Variants in TSPAN5 observed in about 807,000 individuals in gnomAD.
TSPAN5 encodes the protein tetraspanin 5.
A neutral mutation model predicts 37.1 loss-of-function variants in TSPAN5; 10 were observed. The ratio of observed to expected loss-of-function variants is 0.27; its 90% confidence interval spans 0.17 to 0.46. The LOEUF is 0.46. Ranked by LOEUF, TSPAN5 falls within the 20% of genes least tolerant of loss-of-function variation. TSPAN5 has a pLI of 1.00. For missense variants in TSPAN5, 195 were observed against 326.6 expected, an observed-to-expected ratio of 0.60 and a Z score of 3.11; for synonymous variants, 110 against 118.9, an observed-to-expected ratio of 0.93 and a Z score of 0.48.
intron 2 of TSPAN5, among the ~76,000 whole-genome samples, chr4:98,495,448 C>T (rs1753181511): frequency 6.6e-6 from 1 of 150,926 alleles, no homozygotes; most frequent in African/African-American, 2.4e-5. Context: ...TGGCATGAAC[C>T]CGGGAGGCGG....
At chr4:98,524,838 T>C (rs1234970980) in intron 1 of TSPAN5, among the ~76,000 whole-genome samples, 1 of 152,160 alleles carries the variant, frequency 6.6e-6, no homozygotes, top group Non-Finnish European at 1.5e-5. Context: ...GTCAGTAACT[T>C]TTCCCAGACT....
chr4:98,506,929 C>T (rs764553897), intron 2 of TSPAN5, among the ~76,000 whole-genome samples: 35 of 152,066 alleles, frequency 2.3e-4, no homozygotes, highest in Admixed American at 2.0e-4. Context: ...CCACTGGTGG[C>T]CTCAGTAGGG....
intron 1 of TSPAN5, among the ~76,000 whole-genome samples, chr4:98,575,580 AACC>A (rs1350626571): frequency 1.3e-5 from 2 of 152,092 alleles, no homozygotes; most frequent in Non-Finnish European, 2.9e-5. Context: ...CACCAGCCAG[AACC>A]ACTGGGGCTA....
intron 2 of TSPAN5, among the ~76,000 whole-genome samples, chr4:98,504,539 T>C (rs934447502): frequency 6.6e-6 from 1 of 152,204 alleles, no homozygotes; most frequent in African/African-American, 2.4e-5. Context: ...CTTTCAAAAC[T>C]ACCTTTGTGC....
chr4:98,491,004 G>C (rs1753073219), intron 2 of TSPAN5, among the ~76,000 whole-genome samples: 1 of 152,042 alleles, frequency 6.6e-6, no homozygotes, highest in Non-Finnish European at 1.5e-5. Flanking sequence ...GGAGCTTGCA[G>C]TGAGCCGATA....
chr4:98,549,502 T>C (rs112195021), intron 1 of TSPAN5, among the ~76,000 whole-genome samples: 70 of 152,228 alleles, frequency 4.6e-4, no homozygotes, highest in African/African-American at 1.6e-3. Context: ...GGTTTCACCA[T>C]ATTGGCCAGA....
chr4:98,643,884 C>A (rs1259762276), intron 1 of TSPAN5, among the ~76,000 whole-genome samples: 1 of 152,230 alleles, frequency 6.6e-6, no homozygotes. Flanking sequence ...GGCTTTCTCA[C>A]AGGAGTTGCC....
chr4:98,545,159 G>C (rs1395608275), intron 1 of TSPAN5, among the ~76,000 whole-genome samples: 1 of 152,192 alleles, frequency 6.6e-6, no homozygotes, highest in Non-Finnish European at 1.5e-5. Context: ...CAGAGAAGAG[G>C]GTTTTTCTTC....
chr4:98,620,136 C>T (rs1449063634), intron 1 of TSPAN5, among the ~76,000 whole-genome samples: 1 of 151,104 alleles, frequency 6.6e-6, no homozygotes, highest in African/African-American at 2.5e-5. Flanking sequence ...CTTATGACAG[C>T]TTAACCAATA....
chr4:98,603,199 G>C (rs1221797692), intron 1 of TSPAN5, among the ~76,000 whole-genome samples: 1 of 152,188 alleles, frequency 6.6e-6, no homozygotes, highest in Non-Finnish European at 1.5e-5. Context: ...ATCGCCATCT[G>C]TACTACAGTA....
chr4:98,557,663 A>ATGC (rs2110163937), intron 1 of TSPAN5, among the ~76,000 whole-genome samples: 1 of 152,318 alleles, frequency 6.6e-6, no homozygotes, highest in East Asian at 1.9e-4. Flanking sequence ...GCCTCCTTCC[A>ATGC]AAGGAGGTGG....
At chr4:98,608,492 T>A (rs1756094374) in intron 1 of TSPAN5, among the ~76,000 whole-genome samples, 1 of 152,052 alleles carries the variant, frequency 6.6e-6, no homozygotes, top group African/African-American at 2.4e-5. Context: ...CCTAACCCCC[T>A]TATCTCTCCG....
chr4:98,519,390 T>C (rs559903290), intron 1 of TSPAN5, among the ~76,000 whole-genome samples: 1 of 152,252 alleles, frequency 6.6e-6, no homozygotes, highest in East Asian at 1.9e-4. Flanking sequence ...TCACAGCTAC[T>C]TGGGAGGCTG....
At chr4:98,538,005 T>C (rs1397490400) in intron 1 of TSPAN5, among the ~76,000 whole-genome samples, 1 of 152,262 alleles carries the variant, frequency 6.6e-6, no homozygotes, top group African/African-American at 2.4e-5. Flanking sequence ...CTCAGCCCCA[T>C]GCTCTGTGAT....
chr4:98,536,043 C>T (rs1190360852), intron 1 of TSPAN5, among the ~76,000 whole-genome samples: 1 of 152,202 alleles, frequency 6.6e-6, no homozygotes, highest in East Asian at 1.9e-4. Context: ...ATTCGTCAAA[C>T]TCATTCTCCA....
At chr4:98,602,199 C>A (rs969236974) in intron 1 of TSPAN5, among the ~76,000 whole-genome samples, 2 of 152,082 alleles carry the variant, frequency 1.3e-5, no homozygotes, top group Non-Finnish European at 2.9e-5. Context: ...GGCACTGATA[C>A]TCTTGCTCCA....
At position 98,548,011 on chromosome 4, in the gene TSPAN5, CA is replaced by C. The variant is rs535093440; in HGVS notation, c.82-40284del. Reference sequence around the variant, plus strand: ...TGGGCGACAGAGCGAGACTCTGTCTCAAAAAAAAAAAAAAAAGAAAAAGAAA... The same window carrying C: ...TGGGCGACAGAGCGAGACTCTGTCTCAAAAAAAAAAAAAAAGAAAAAGAAA... On this transcript the variant is annotated intron_variant, in intron 1 of 7. Coordinates refer to ENST00000305798, the MANE Select transcript of TSPAN5 (RefSeq NM_005723.4). 2.6e-3 allele frequency among the ~76,000 whole-genome samples: 236 copies of C among 89,318 alleles called. 4 individuals are homozygous for C. The highest frequency in any genetic ancestry group is 7.4e-3 in the African/African-American group (168 of 22,796). The allele number at this position is 89,318 out of a possible 152,430, so 58.6% of individuals were successfully genotyped here.
chr4:98,499,485 A>G (rs1056566485), intron 2 of TSPAN5, among the ~76,000 whole-genome samples: 2 of 152,222 alleles, frequency 1.3e-5, no homozygotes, highest in African/African-American at 2.4e-5. Flanking sequence ...TTTTGACCCA[A>G]CTAAATTTTC....
intron 5 of TSPAN5, 147 bp downstream of exon 5, chr4:98,478,538 A>AT: frequency 1.1e-6 from 1 of 919,992 alleles, no homozygotes; most frequent in Non-Finnish European, 1.7e-6. Context: ...TACTAGGAAG[A>AT]TTTGAGCACC....
Sources: allele counts gnomAD v4.1 joint callset (sites outside exome capture counted in the v4.1 genomes callset), GRCh38; gene constraint gnomAD v4.1.1; transcripts MANE v1.5; gene names NCBI Gene and HGNC (gene_info 2026-07-23, HGNC 2026-07-21).